Variants in SCCPDH observed in about 807,000 individuals in gnomAD.
The protein encoded by SCCPDH is saccharopine dehydrogenase (putative), also known as saccharopine dehydrogenase-like oxidoreductase.
SCCPDH carries 34 observed loss-of-function variants against 51.5 expected under a neutral mutation model. The observed-to-expected ratio is 0.66, with a 90% CI of 0.50 to 0.88. The LOEUF is 0.88. Among genes scored for constraint, SCCPDH ranks in the 40% least tolerant of loss-of-function variants. The probability of loss-of-function intolerance (pLI) is 0.00; values close to 1 mark genes in which losing one functional copy is unlikely to be tolerated. For missense variants in SCCPDH, 464 were observed against 527.1 expected (o/e 0.88, Z 1.17); for synonymous variants, 187 against 191.3 (o/e 0.98, Z 0.19).
intron 4 of SCCPDH, among the ~76,000 whole-genome samples, chr1:246,742,308 C>T (rs747195336): frequency 6.6e-6 from 1 of 152,134 alleles, no homozygotes; most frequent in Non-Finnish European, 1.5e-5. Flanking sequence ...TGAGGTTGTT[C>T]TCTGCTTTTA....
chr1:246,754,202 G>T (rs1038966426), intron 5 of SCCPDH, among the ~76,000 whole-genome samples: 1 of 151,874 alleles, frequency 6.6e-6, no homozygotes, highest in African/African-American at 2.4e-5. Flanking sequence ...TCTTACCTTG[G>T]TCTGTGCACA....
chr1:246,745,109 A>C (rs1009636363), intron 5 of SCCPDH, among the ~76,000 whole-genome samples: 1 of 152,242 alleles, frequency 6.6e-6, no homozygotes, highest in African/African-American at 2.4e-5. Flanking sequence ...TGCTGTGACC[A>C]AACAGAGGTG....
rs144263778 is a variant in SCCPDH at position 246,743,990 on chromosome 1, G to C, written c.515-86G>C. The stretch of plus-strand genomic sequence containing the variant: ...TAGGCTTAGAAAAGCTAGTCCCTAA[G>C]TGAATACGCATTGTTTATTATTACT... On this transcript the variant is annotated intron_variant, in intron 4 of 11. Coordinates refer to ENST00000366510, the MANE Select transcript of SCCPDH (RefSeq NM_016002.3). 8.7e-4 allele frequency: 658 copies of C among 757,978 alleles called. 3 individuals carry two copies. In the African/African-American group the frequency reaches 0.01, roughly 12 times the overall value. The allele number at this position is 757,978 out of a possible 1,614,324, so 47.0% of individuals were successfully genotyped here.
At chr1:246,764,115 A>G in intron 9 of SCCPDH, 131 bp from the exon 10 acceptor site, 1 of 571,140 alleles carries the variant, frequency 1.8e-6, no homozygotes, top group Non-Finnish European at 3.1e-6. Flanking sequence ...TGATGACGGG[A>G]TATTCTGGCA....
At chr1:246,729,009 G>A (rs1026132179) in intron 2 of SCCPDH, among the ~76,000 whole-genome samples, 4 of 152,204 alleles carry the variant, frequency 2.6e-5, no homozygotes, top group African/African-American at 9.6e-5. Flanking sequence ...ATCACTTGTT[G>A]ACAGGTTCCG....
intron 4 of SCCPDH, among the ~76,000 whole-genome samples, chr1:246,743,142 T>G (rs1385674008): frequency 3.9e-5 from 6 of 152,210 alleles, no homozygotes; most frequent in Admixed American, 3.9e-4. Flanking sequence ...TTCTGTCACC[T>G]AGGCTGGAGT....
At chr1:246,750,221 T>A (rs763885871) in intron 5 of SCCPDH, among the ~76,000 whole-genome samples, 4 of 152,140 alleles carry the variant, frequency 2.6e-5, no homozygotes, top group African/African-American at 4.8e-5. Context: ...CATGCTAATG[T>A]TGGTGTACTG....
chr1:246,727,822 A>G (rs1572291501), intron 2 of SCCPDH, among the ~76,000 whole-genome samples: 1 of 152,080 alleles, frequency 6.6e-6, no homozygotes, highest in South Asian at 2.1e-4. Flanking sequence ...AGAGAGGTGG[A>G]GAGTGGATCA....
intron 2 of SCCPDH, 73 bp downstream of exon 2, chr1:246,727,077 T>A: frequency 8.3e-7 from 1 of 1,200,574 alleles, no homozygotes; most frequent in Non-Finnish European, 1.2e-6. Flanking sequence ...CAGAGGAACA[T>A]AAGGACAGAG....
At chr1:246,744,296 T>A (rs1668723690) in intron 5 of SCCPDH, among the ~76,000 whole-genome samples, 171 bp downstream of exon 5, 1 of 151,928 alleles carries the variant, frequency 6.6e-6, no homozygotes, top group Admixed American at 6.5e-5. Flanking sequence ...TACTTTATTT[T>A]CTTTTTATTT....
At chr1:246,744,170 A>C in intron 5 of SCCPDH, 45 bp downstream of exon 5, 1 of 1,209,400 alleles carries the variant, frequency 8.3e-7, no homozygotes, top group Non-Finnish European at 1.2e-6. Flanking sequence ...TTAATATTAA[A>C]AATATTTTGG....
chr1:246,735,746 G>A (rs536925685), intron 2 of SCCPDH, among the ~76,000 whole-genome samples: 37 of 152,256 alleles, frequency 2.4e-4, no homozygotes, highest in Non-Finnish European at 4.4e-4. Context: ...TGGCCAGGCT[G>A]GTCTTGAACT....
At chr1:246,753,719 T>G (rs987545672) in intron 5 of SCCPDH, among the ~76,000 whole-genome samples, 6 of 151,912 alleles carry the variant, frequency 3.9e-5, no homozygotes, top group Non-Finnish European at 8.8e-5. Context: ...ATCGTGGCTC[T>G]TTCTTCCCCC....
At chr1:246,762,835 C>T (rs1194837111) in intron 9 of SCCPDH, among the ~76,000 whole-genome samples, 1 of 129,818 alleles carries the variant, frequency 7.7e-6, no homozygotes, top group Non-Finnish European at 1.6e-5. Context: ...AGCGAGATTC[C>T]TTCTCCAAAA....
At position 246,759,056 on chromosome 1, in the gene SCCPDH, G is replaced by T; in HGVS notation, c.718G>T (p.Glu240Ter). 2 of 1,607,504 alleles carry T rather than the reference G, an allele frequency of 1.2e-6. No homozygotes were observed. The highest frequency in any genetic ancestry group is 1.3e-5 in the African/African-American group (1 of 74,846). The change falls in exon 7 of 12, where the codon GAA becomes TAA. Residue 240 changes from glutamate to a stop codon, truncating the protein, a stop_gained. Coordinates refer to ENST00000366510, the MANE Select transcript of SCCPDH (RefSeq NM_016002.3). LOFTEE classifies it high-confidence loss of function. ...KRRWPISYCR[E>*]LKGYSIPFMG... ...CAGGTGGCCAATTTCTTATTGTCGGGAACTCAAAGGTTATTCCATTCCTTT... is the reference window on the plus strand; with the variant it reads ...CAGGTGGCCAATTTCTTATTGTCGGTAACTCAAAGGTTATTCCATTCCTTT...
intron 2 of SCCPDH, among the ~76,000 whole-genome samples, chr1:246,731,235 T>C (rs1427921000): frequency 1.3e-5 from 2 of 152,074 alleles, no homozygotes; most frequent in African/African-American, 4.8e-5. Context: ...AGCAAGTTCA[T>C]AAAATAGGAA....
intron 6 of SCCPDH, among the ~76,000 whole-genome samples, chr1:246,758,822 GT>G (rs940335901): frequency 8.0e-5 from 12 of 150,560 alleles, no homozygotes; most frequent in Non-Finnish European, 1.5e-4. Context: ...GAGCGTTCTG[GT>G]TTTTTTTTTC....
At chr1:246,763,040 C>T (rs1223755682) in intron 9 of SCCPDH, among the ~76,000 whole-genome samples, 4 of 152,038 alleles carry the variant, frequency 2.6e-5, no homozygotes, top group African/African-American at 9.7e-5. Context: ...GCAGCCTGGG[C>T]ACTGGGGCTC....
chr1:246,759,974 T>C lies in SCCPDH; in HGVS notation c.831T>C (p.Tyr277=). ...LEESPVQYAA[Y]VTVGGITSVI... ...TCATCTAGGTTCAGTATGCTGCGTA[T>C]GTAACTGTGGGAGGCATCACCTCTG... Residue 277 remains tyrosine (Y), a synonymous_variant, in exon 8 of 12, where the codon TAT becomes TAC. Coordinates refer to ENST00000366510, the MANE Select transcript of SCCPDH (RefSeq NM_016002.3). 6.2e-7 allele frequency: 1 copy of C among 1,613,180 alleles called. No homozygotes were observed. Among genetic ancestry groups the C allele is most frequent in the Non-Finnish European group, 8.5e-7 (1 of 1,179,706 alleles).
Sources: gnomAD v4.1 joint callset for allele counts (sites outside exome capture counted in the v4.1 genomes callset) on GRCh38, gnomAD v4.1.1 for gene constraint, MANE v1.5 for transcripts, NCBI Gene and HGNC (gene_info 2026-07-23, HGNC 2026-07-21) for gene names.